Variants in FREM1 observed in about 807,000 individuals in gnomAD.
The protein encoded by FREM1 is FRAS1-related extracellular matrix protein 1.
Under a neutral mutation model 210.1 loss-of-function variants are expected in FREM1, and 220 were observed. The observed-to-expected ratio is 1.05, with a 90% confidence interval of 0.94 to 1.17. FREM1 has a LOEUF of 1.17. Ranked by LOEUF, FREM1 falls within the 50% of genes most tolerant of loss-of-function variation. The pLI, the probability that FREM1 is intolerant of heterozygous loss-of-function variation, is 0.00. For synonymous variants in FREM1, 1,189 were observed against 980.2 expected (o/e 1.21, Z -3.98); for missense variants, 3,454 against 2,675.5 (o/e 1.29, Z -6.42).
intron 3 of FREM1, among the ~76,000 whole-genome samples, chr9:14,860,308 C>T (rs886329055): frequency 4.6e-5 from 7 of 151,958 alleles, no homozygotes; most frequent in Admixed American, 3.3e-4. Flanking sequence ...GGGGAACAAA[C>T]ATGCTCCCTG....
intron 10 of FREM1, among the ~76,000 whole-genome samples, chr9:14,831,185 C>T (rs1431466844): frequency 5.3e-5 from 8 of 152,160 alleles, no homozygotes; most frequent in Non-Finnish European, 1.2e-4. Flanking sequence ...GCCTCTGGAC[C>T]GGACACAGCC....
intron 14 of FREM1, among the ~76,000 whole-genome samples, chr9:14,818,779 C>T (rs954858961): frequency 6.6e-6 from 1 of 152,172 alleles, no homozygotes; most frequent in Admixed American, 6.5e-5. Flanking sequence ...CAGATCCCTG[C>T]CCTAGTAGAA....
intron 24 of FREM1, among the ~76,000 whole-genome samples, chr9:14,779,803 C>A (rs1234774650): frequency 6.6e-6 from 1 of 152,160 alleles, no homozygotes; most frequent in Non-Finnish European, 1.5e-5. Context: ...TCTGGGACAC[C>A]AAGGCAGCTG....
chr9:14,766,304 A>G (rs1458038476), intron 27 of FREM1, among the ~76,000 whole-genome samples: 2 of 152,154 alleles, frequency 1.3e-5, no homozygotes, highest in East Asian at 3.9e-4. Flanking sequence ...AATAATTTCT[A>G]TTTACAATAA....
intron 29 of FREM1, among the ~76,000 whole-genome samples, chr9:14,752,152 G>A (rs1843504611): frequency 6.6e-6 from 1 of 151,780 alleles, no homozygotes; most frequent in African/African-American, 2.4e-5. Flanking sequence ...CCTGATCTAA[G>A]GGAGCTTAAA....
intron 10 of FREM1, among the ~76,000 whole-genome samples, chr9:14,825,548 T>TGTGTGTGTGTATATATATATAC (rs1554685284): frequency 1.2e-4 from 5 of 43,310 alleles, no homozygotes; most frequent in Non-Finnish European, 2.4e-4. Context: ...TGTGTGTGTG[T>TGTGTGTGTGTATATATATATAC]ATATATATAT....
chr9:14,779,524 C>T, intron 24 of FREM1: 1 of 984,128 alleles, frequency 1.0e-6, no homozygotes, highest in Non-Finnish European at 1.2e-6. Flanking sequence ...GACTTTCCTC[C>T]CTGCAGACTG....
intron 2 of FREM1, 76 bp downstream of exon 2, chr9:14,868,668 T>A: frequency 1.1e-6 from 1 of 925,000 alleles, no homozygotes; most frequent in South Asian, 1.5e-5. Context: ...TTACATCTGT[T>A]CTCTGTCCCC....
chr9:14,799,614 A>G (rs1363755045), intron 20 of FREM1, among the ~76,000 whole-genome samples: 2 of 152,044 alleles, frequency 1.3e-5, no homozygotes, highest in African/African-American at 4.8e-5. Flanking sequence ...GACTTTCTTG[A>G]GAGTAAAATT....
In FREM1 at chr9:14,812,088, T is replaced by C. The variant is rs147791583; in HGVS notation, c.2893+724A>G. 1.4e-4 allele frequency among the ~76,000 whole-genome samples: 22 copies of C among 152,296 alleles called. 1 individual carries two copies. The East Asian group carries it at 3.9e-3, about 27-fold the overall frequency. On this transcript the variant is annotated intron_variant, in intron 16 of 36. Coordinates refer to ENST00000380880, the MANE Select transcript of FREM1 (RefSeq NM_001379081.2). ...TGTCAGTCACACTGTCATCTTTGCA[T>C]GCAAATGGGTTTTGTCTACCCATTT...
intron 27 of FREM1, among the ~76,000 whole-genome samples, chr9:14,768,729 C>G (rs1846941640): frequency 1.3e-5 from 2 of 152,092 alleles, no homozygotes. Context: ...GATTTTAGAA[C>G]TACAATTCAG....
At position 14,784,391 on chromosome 9, in the gene FREM1, G is replaced by C. The variant is rs41265306; in HGVS notation, c.4421C>G (p.Thr1474Ser). 1 of 1,613,552 alleles carries C rather than the reference G, an allele frequency of 6.2e-7. No homozygotes were observed. Among genetic ancestry groups the C allele is most frequent in the South Asian group, 1.1e-5 (1 of 91,018 alleles). Residue 1474 changes from threonine (T) to serine (S), a missense_variant, in exon 24 of 37, where the codon ACT becomes AGT. Thr to Ser is a moderately conservative substitution (Grantham distance 58). Transcript: ENST00000380880. ...TVCYVHKSKV[T>S]VSSDRFRFII... Reference sequence around the variant, plus strand: ...TCACCTGAATCTGTCACTGGAGACAGTCACCTTGCTCTTGTGTACATAGCA... The same window carrying C: ...TCACCTGAATCTGTCACTGGAGACACTCACCTTGCTCTTGTGTACATAGCA...
chr9:14,871,624 AGTTTCTTTTGCTGT>A (rs1832699182), intron 1 of FREM1, among the ~76,000 whole-genome samples: 3 of 152,092 alleles, frequency 2.0e-5, no homozygotes. Flanking sequence ...CTCTGATGGT[AGTTTCTTTTGCTGT>A]GCAGAAGCTC....
At chr9:14,897,322 T>C (rs1837911244) in intron 1 of FREM1, among the ~76,000 whole-genome samples, 1 of 152,116 alleles carries the variant, frequency 6.6e-6, no homozygotes, top group Non-Finnish European at 1.5e-5. Context: ...CTAAAGTACC[T>C]CATATTCCAA....
intron 27 of FREM1, 92 bp downstream of exon 27, chr9:14,769,632 G>A (rs1164650495): frequency 7.7e-7 from 1 of 1,291,818 alleles, no homozygotes; most frequent in East Asian, 2.6e-5. Context: ...ATCTTCTTGG[G>A]TTCTGTTTTA....
At chr9:14,840,179 AT>A (rs1402268394) in intron 10 of FREM1, among the ~76,000 whole-genome samples, 1 of 152,226 alleles carries the variant, frequency 6.6e-6, no homozygotes, top group Non-Finnish European at 1.5e-5. Context: ...CTATGACATT[AT>A]GGGAAGGCAT....
intron 27 of FREM1, among the ~76,000 whole-genome samples, chr9:14,762,957 A>G (rs954424225): frequency 1.3e-5 from 2 of 152,116 alleles, no homozygotes; most frequent in African/African-American, 4.8e-5. Flanking sequence ...CCCATGAGAG[A>G]AATTCGTAAA....
At position 14,801,774 on chromosome 9, in the gene FREM1, G is replaced by C. The variant is rs763989113; in HGVS notation, c.3572C>G (p.Pro1191Arg). The C allele has an allele frequency of 1.2e-6, 2 of 1,613,944 alleles. No homozygotes were observed. The highest frequency in any genetic ancestry group is 2.2e-5 in the South Asian group (2 of 91,066). Residue 1191 changes from proline (P) to arginine (R), a missense_variant, in exon 20 of 37, where the codon CCA (proline) becomes CGA (arginine). Transcript: ENST00000380880. ...DALLFSITQK[P>R]RHGLLIDRGF... ...CCTATCGATGAGGAGGCCATGGCGT[G>C]GCTTTTGAGTGATGCTGAACAGCAG... is the stretch of plus-strand genomic sequence containing the variant.
At chr9:14,819,101 C>G (rs995226672) in intron 14 of FREM1, 133 bp downstream of exon 14, 2 of 539,360 alleles carry the variant, frequency 3.7e-6, no homozygotes, top group Non-Finnish European at 6.4e-6. Flanking sequence ...TTCAACTGAC[C>G]CGTTGAGTGT....
Sources: allele counts gnomAD v4.1 joint callset (sites outside exome capture counted in the v4.1 genomes callset), GRCh38; gene constraint gnomAD v4.1.1; transcripts MANE v1.5; gene names NCBI Gene and HGNC (gene_info 2026-07-23, HGNC 2026-07-21).